Variants in PIK3C2B observed in about 807,000 individuals in gnomAD.
PIK3C2B encodes phosphatidylinositol 4-phosphate 3-kinase C2 domain-containing subunit beta.
PIK3C2B carries 83 observed loss-of-function variants against 184.3 expected under a neutral mutation model. That is an observed-to-expected ratio of 0.45 (90% confidence interval 0.38 to 0.54). PIK3C2B has a LOEUF of 0.54. Ranked by LOEUF, PIK3C2B falls within the 20% of genes least tolerant of loss-of-function variation. PIK3C2B has a pLI of 0.00. For synonymous variants in PIK3C2B, 779 were observed against 837.6 expected, an observed-to-expected ratio of 0.93 and a Z score of 1.21; for missense variants, 1,736 against 2,113.5, an observed-to-expected ratio of 0.82 and a Z score of 3.50.
At chr1:204,436,037 G>A (rs1675325397) in intron 23 of PIK3C2B, among the ~76,000 whole-genome samples, 1 of 152,110 alleles carries the variant, frequency 6.6e-6, no homozygotes, top group Non-Finnish European at 1.5e-5. Flanking sequence ...TGTGCCTGTG[G>A]GTAAATGACT....
chr1:204,442,148 G>C (rs1675699905), intron 20 of PIK3C2B, among the ~76,000 whole-genome samples: 1 of 152,300 alleles, frequency 6.6e-6, no homozygotes, highest in Admixed American at 6.5e-5. Flanking sequence ...GGAATGGGAA[G>C]AGGCCACAGA....
intron 1 of PIK3C2B, among the ~76,000 whole-genome samples, 158 bp downstream of exon 1, chr1:204,494,198 C>CGCCGCTCA (rs1234064370): frequency 6.6e-6 from 1 of 152,194 alleles, no homozygotes; most frequent in East Asian, 1.9e-4. Flanking sequence ...CCACGGCGTC[C>CGCCGCTCA]GCCGCTCAGC....
At chr1:204,432,179 C>A in intron 27 of PIK3C2B, 21 bp downstream of exon 27, 1 of 1,605,582 alleles carries the variant, frequency 6.2e-7, no homozygotes, top group South Asian at 1.1e-5. Flanking sequence ...GAAAGGGGGT[C>A]AGATTGGAGA....
chr1:204,425,556 A>T, intron 32 of PIK3C2B, 57 bp downstream of exon 32: 1 of 1,574,946 alleles, frequency 6.3e-7, no homozygotes, highest in Non-Finnish European at 8.7e-7. Flanking sequence ...GACTTTATCT[A>T]GGAGAACAGG....
In PIK3C2B at chr1:204,447,711, T is replaced by C; in HGVS notation, c.2347-133A>G. 1.6e-6 allele frequency: 1 copy of C among 628,442 alleles called. No individual in the cohort carries two copies. The allele number at this position is 628,442 out of a possible 1,614,324, so 38.9% of individuals were successfully genotyped here. Reference sequence around the variant, plus strand: ...CCTCAGGTTCTTTGTAAAATAGCCCTGTTAGACTTGGTGATCTCTAAAGTC... The same window carrying C: ...CCTCAGGTTCTTTGTAAAATAGCCCCGTTAGACTTGGTGATCTCTAAAGTC... On this transcript the variant is annotated intron_variant, in intron 14 of 32. Transcript: ENST00000684373. The surrounding 1 kb of genome is among the most constrained non-coding windows in gnomAD (Gnocchi z 4.1).
intron 12 of PIK3C2B, among the ~76,000 whole-genome samples, chr1:204,453,174 G>A (rs142608208): frequency 1.5e-3 from 225 of 152,230 alleles, no homozygotes; most frequent in African/African-American, 5.0e-3. Flanking sequence ...CTGCAAATGA[G>A]GACTCTAATA....
chr1:204,480,240 G>A (rs766496685), intron 1 of PIK3C2B, among the ~76,000 whole-genome samples: 10 of 152,156 alleles, frequency 6.6e-5, no homozygotes, highest in African/African-American at 1.9e-4. Context: ...TTGAGCAAGC[G>A]TCTCCAATTT....
rs1658245416 is a variant in PIK3C2B at position 204,494,610 on chromosome 1, G to A, written c.-339C>T. Reference sequence around the variant, plus strand: ...GGACCAGCTTGTGGGGGTGGGGAGGGGTGCTCTCCGCCGAGAGCGTGCGCG... The same window carrying A: ...GGACCAGCTTGTGGGGGTGGGGAGGAGTGCTCTCCGCCGAGAGCGTGCGCG... On this transcript the variant is annotated 5_prime_UTR_variant, in exon 1 of 33. Transcript: ENST00000684373. 6.5e-6 allele frequency: 1 copy of A among 152,718 alleles called. No homozygotes were observed. The highest frequency in any genetic ancestry group is 2.4e-5 in the African/African-American group (1 of 41,472). 9.5% of individuals were successfully genotyped at this position (152,718 alleles called of 1,614,324 possible).
chr1:204,449,221 T>C lies in PIK3C2B; in HGVS notation c.2310A>G (p.Ala770=). Residue 770 remains alanine, a synonymous_variant, in exon 14 of 33, where the codon GCA becomes GCG. Coordinates refer to ENST00000684373, the MANE Select transcript of PIK3C2B (RefSeq NM_001377334.1). ...TQENPSARWS[A]PNFHQPDSVI... ...CACTGTCTGGCTGGTGGAAATTAGG[T>C]GCACTCCAACGGGCGCTGGGATTTT... 6.2e-7 allele frequency: 1 copy of C among 1,612,850 alleles called. No individual in the cohort carries two copies.
chr1:204,447,250 C>T lies in PIK3C2B; in HGVS notation c.2489+186G>A, dbSNP rs1653956408. On this transcript the variant is annotated intron_variant, in intron 15 of 32. Transcript: ENST00000684373. This position sits in a 1 kb window ranked among gnomAD's most constrained non-coding sequence, Gnocchi z 4.1. ...CTTGGGTATTCTCAGATCTAATTTC[C>T]TGACCTTGACCTCTCCACTTTTCCT... Among the ~76,000 whole-genome samples, 1 of 152,148 alleles carries T rather than the reference C, an allele frequency of 6.6e-6. No homozygotes were observed. Among genetic ancestry groups the T allele is most frequent in the African/African-American group, 2.4e-5 (1 of 41,424 alleles).
intron 21 of PIK3C2B, among the ~76,000 whole-genome samples, 162 bp downstream of exon 21, chr1:204,441,309 T>C (rs925351068): frequency 1.3e-5 from 2 of 152,214 alleles, no homozygotes; most frequent in Non-Finnish European, 2.9e-5. Flanking sequence ...TCTGGGGCCA[T>C]GCAGAATTCA....
intron 21 of PIK3C2B, among the ~76,000 whole-genome samples, chr1:204,440,559 C>T (rs549449976): frequency 5.8e-4 from 87 of 150,130 alleles, no homozygotes; most frequent in African/African-American, 2.0e-3. Context: ...ATTAAATTCA[C>T]GGTCTGCTTC....
intron 12 of PIK3C2B, among the ~76,000 whole-genome samples, chr1:204,453,377 T>C (rs143208319): frequency 6.6e-6 from 1 of 152,342 alleles, no homozygotes; most frequent in African/African-American, 2.4e-5. Context: ...CGACACCAAA[T>C]TATTGTTTAC....
At chr1:204,441,428 C>A in intron 21 of PIK3C2B, 43 bp downstream of exon 21, 1 of 1,368,986 alleles carries the variant, frequency 7.3e-7, no homozygotes. Flanking sequence ...GCCTCCTTCT[C>A]TCTCCCACCC....
At position 204,469,018 on chromosome 1, in the gene PIK3C2B, G is replaced by A. The variant is rs368209707; in HGVS notation, c.785C>T (p.Pro262Leu). The A allele has an allele frequency of 5.0e-5, 80 of 1,614,158 alleles. No homozygotes were observed. Among genetic ancestry groups the A allele is most frequent in the African/African-American group, 4.1e-4 (31 of 75,040 alleles). ...ATRGWKEGRG[P>L]LDFSKDTSGK... ...AGAGGTGTCTTTGCTGAAGTCCAGC[G>A]GCCCTCGGCCCTCCTTCCAGCCCCT... is the stretch of plus-strand genomic sequence containing the variant. Residue 262 changes from proline (P) to leucine (L), a missense_variant, in exon 2 of 33, where the codon CCG becomes CTG. Pro to Leu is a moderately conservative substitution (Grantham distance 98). Coordinates refer to ENST00000684373, the MANE Select transcript of PIK3C2B (RefSeq NM_001377334.1).
chr1:204,451,747 A>C (rs923496545), intron 12 of PIK3C2B, among the ~76,000 whole-genome samples: 8 of 152,226 alleles, frequency 5.3e-5, no homozygotes, highest in African/African-American at 1.7e-4. Context: ...CTGCACTGGC[A>C]CTGGCTTATA....
rs1653951612 is a variant in PIK3C2B, at chr1:204,447,183, C to A, written c.2489+253G>T. Among the ~76,000 whole-genome samples, 1 of 152,128 alleles carries A rather than the reference C, an allele frequency of 6.6e-6. No homozygotes were observed. On this transcript the variant is annotated intron_variant, in intron 15 of 32. Transcript: ENST00000684373. This position sits in a 1 kb window ranked among gnomAD's most constrained non-coding sequence, Gnocchi z 4.1. ...TGGGATGTGGGGCAGAGCTCTGGTCCTCCTGGGTAGCTGAGTCTGGACCAA... is the reference window on the plus strand; with the variant it reads ...TGGGATGTGGGGCAGAGCTCTGGTCATCCTGGGTAGCTGAGTCTGGACCAA...
At chr1:204,480,850 C>T (rs1327401433) in intron 1 of PIK3C2B, among the ~76,000 whole-genome samples, 1 of 152,158 alleles carries the variant, frequency 6.6e-6, no homozygotes, top group Non-Finnish European at 1.5e-5. Context: ...AGGCTCTCCA[C>T]CACGTGCCCA....
At chr1:204,474,944 C>G (rs1656600929) in intron 1 of PIK3C2B, among the ~76,000 whole-genome samples, 2 of 146,250 alleles carry the variant, frequency 1.4e-5, no homozygotes, top group African/African-American at 5.6e-5. Context: ...CCTTTCACCC[C>G]TCTCTCTAAT....
Sources: allele counts gnomAD v4.1 joint callset (sites outside exome capture counted in the v4.1 genomes callset), GRCh38; gene constraint gnomAD v4.1.1; non-coding constraint Gnocchi (gnomAD v3.1); transcripts MANE v1.5; gene names NCBI Gene and HGNC (gene_info 2026-07-23, HGNC 2026-07-21).